TRAPPC9: variants seen among roughly 807,000 people sequenced by gnomAD.
TRAPPC9 encodes the protein trafficking protein particle complex subunit 9.
Under a neutral mutation model 124.0 loss-of-function variants are expected in TRAPPC9, and 83 were observed. That is an observed-to-expected ratio of 0.67 (90% CI 0.56 to 0.80). The LOEUF is 0.80. Among genes scored for constraint, TRAPPC9 ranks in the 30% least tolerant of loss-of-function variants. TRAPPC9 has a pLI of 0.00. For missense variants in TRAPPC9, 1,302 were observed against 1,508.3 expected (o/e 0.86, Z 2.27); for synonymous variants, 638 against 617.5 (o/e 1.03, Z -0.49).
In TRAPPC9 at chr8:140,372,126, C is replaced by A. The variant is rs970424187; in HGVS notation, c.1135-946G>T. Among the ~76,000 whole-genome samples, 8 of 152,332 alleles carry A rather than the reference C, an allele frequency of 5.3e-5. 1 individual carries two copies. The highest frequency in any genetic ancestry group is 4.6e-4 in the Admixed American group (7 of 15,302). Reference sequence around the variant, plus strand: ...TAACAGCTCAGGGACACATTAATCACCTGTGCAAAATCACACAGCCAAGAA... The same window carrying A: ...TAACAGCTCAGGGACACATTAATCAACTGTGCAAAATCACACAGCCAAGAA... On this transcript the variant is annotated intron_variant, in intron 7 of 22. Transcript: ENST00000438773.
At chr8:139,973,956 T>C (rs190080758) in intron 19 of TRAPPC9, among the ~76,000 whole-genome samples, 1 of 152,230 alleles carries the variant, frequency 6.6e-6, no homozygotes, top group East Asian at 1.9e-4. Flanking sequence ...TAAGGACGAA[T>C]GGCAGGTGAG....
At chr8:139,937,747 A>G (rs1222738137) in intron 19 of TRAPPC9, among the ~76,000 whole-genome samples, 1 of 152,190 alleles carries the variant, frequency 6.6e-6, no homozygotes, top group Non-Finnish European at 1.5e-5. Context: ...GGAAATGCGG[A>G]CGCAAATGTC....
chr8:140,416,165 G>A (rs1415288453), intron 5 of TRAPPC9, among the ~76,000 whole-genome samples: 1 of 152,106 alleles, frequency 6.6e-6, no homozygotes, highest in Admixed American at 6.6e-5. Flanking sequence ...GCTAAGAAGA[G>A]AGAAGAATCA....
intron 21 of TRAPPC9, among the ~76,000 whole-genome samples, chr8:139,867,293 C>A (rs1456411285): frequency 1.1e-4 from 17 of 152,176 alleles, no homozygotes; most frequent in Admixed American, 1.1e-3. Flanking sequence ...AGAAGACAGC[C>A]TGAAGGAGCA....
rs113033639 is a variant in TRAPPC9 at position 139,863,309 on chromosome 8, C to T, written c.3055+22570G>A. On this transcript the variant is annotated intron_variant, in intron 21 of 22. Transcript: ENST00000438773. ...CCAGGAAGCCCAGGACTTGCAGAGA[C>T]GGAAAGGGCCAAAGGACAGAGACCT... 5.3e-3 allele frequency among the ~76,000 whole-genome samples: 809 copies of T among 152,286 alleles called. 6 individuals carry two copies. The highest frequency in any genetic ancestry group is 0.018 in the African/African-American group (728 of 41,566).
At chr8:140,417,832 C>T (rs2069994229) in intron 5 of TRAPPC9, among the ~76,000 whole-genome samples, 1 of 152,180 alleles carries the variant, frequency 6.6e-6, no homozygotes. Context: ...CAATGATAGA[C>T]TGGATTAAGA....
intron 17 of TRAPPC9, among the ~76,000 whole-genome samples, chr8:140,206,785 C>T (rs977751995): frequency 1.3e-5 from 2 of 150,692 alleles, no homozygotes; most frequent in East Asian, 1.9e-4. Context: ...TTAAAAAGCC[C>T]GTTTCTCCTT....
intron 16 of TRAPPC9, among the ~76,000 whole-genome samples, chr8:140,231,940 A>T (rs926872007): frequency 7.9e-5 from 12 of 152,064 alleles, no homozygotes; most frequent in Non-Finnish European, 1.5e-4. Flanking sequence ...TTCTGTACCT[A>T]GCATTTAGCA....
At chr8:140,268,953 G>A (rs1256534017) in intron 15 of TRAPPC9, among the ~76,000 whole-genome samples, 4 of 152,138 alleles carry the variant, frequency 2.6e-5, no homozygotes, top group East Asian at 1.9e-4. Flanking sequence ...TCTCTAGGCC[G>A]ACCAGGTAAA....
At chr8:139,838,096 T>C (rs1826476340) in intron 21 of TRAPPC9, among the ~76,000 whole-genome samples, 1 of 152,138 alleles carries the variant, frequency 6.6e-6, no homozygotes, top group Non-Finnish European at 1.5e-5. Flanking sequence ...TTCTCTCTCT[T>C]TGTGGAATTC....
chr8:139,935,827 A>G (rs541320100), intron 19 of TRAPPC9, among the ~76,000 whole-genome samples: 1 of 152,258 alleles, frequency 6.6e-6, no homozygotes, highest in South Asian at 2.1e-4. Flanking sequence ...CAGAACAATC[A>G]CCTCATTTCA....
chr8:139,890,104 C>G (rs917884392), intron 20 of TRAPPC9, among the ~76,000 whole-genome samples: 10 of 152,230 alleles, frequency 6.6e-5, no homozygotes, highest in African/African-American at 2.4e-4. Flanking sequence ...GAAGCAGCGC[C>G]CTGCAGCTCC....
At chr8:140,284,650 C>T (rs977226745) in intron 13 of TRAPPC9, among the ~76,000 whole-genome samples, 1 of 152,126 alleles carries the variant, frequency 6.6e-6, no homozygotes, top group Admixed American at 6.5e-5. Context: ...TTATTATAAA[C>T]AACATTCACT....
At chr8:139,914,198 G>A (rs140588175) in intron 19 of TRAPPC9, 25 of 152,530 alleles carry the variant, frequency 1.6e-4, no homozygotes, top group African/African-American at 5.8e-4. Context: ...CAGAGCTCCC[G>A]ATGACGGTGG....
intron 5 of TRAPPC9, among the ~76,000 whole-genome samples, chr8:140,424,209 T>G (rs1351973140): frequency 6.6e-6 from 1 of 152,102 alleles, no homozygotes; most frequent in East Asian, 1.9e-4. Flanking sequence ...AAGTGCAAAC[T>G]GCTCATTTTT....
rs183080719 is a variant in TRAPPC9, at chr8:140,247,865, C to T, written c.2431+4912G>A. ...CTGGAAAAAAAAATTTATTCTATTA[C>T]AAATTCTTTCCTGAGTTATATCCAT... On this transcript the variant is annotated intron_variant, in intron 16 of 22. Transcript: ENST00000438773. Among the ~76,000 whole-genome samples the T allele has an allele frequency of 9.2e-5, 14 of 152,304 alleles. No individual in the cohort carries two copies. In the East Asian group the frequency reaches 2.7e-3, roughly 29 times the overall value.
intron 16 of TRAPPC9, among the ~76,000 whole-genome samples, chr8:140,224,023 G>A (rs1250242079): frequency 2.0e-5 from 3 of 152,158 alleles, no homozygotes; most frequent in African/African-American, 4.8e-5. Context: ...TGTTTCTGTT[G>A]GTGGTGCCTA....
intron 21 of TRAPPC9, among the ~76,000 whole-genome samples, chr8:139,737,608 C>T (rs1009709418): frequency 6.6e-6 from 1 of 152,198 alleles, no homozygotes; most frequent in Non-Finnish European, 1.5e-5. Flanking sequence ...CGCCTCTTGG[C>T]AGGACTGGCT....
At chr8:139,843,016 C>A (rs1219017864) in intron 21 of TRAPPC9, among the ~76,000 whole-genome samples, 2 of 152,212 alleles carry the variant, frequency 1.3e-5, no homozygotes. Flanking sequence ...CCAGCCACTG[C>A]CCAGCCCCAG....
Sources: allele counts gnomAD v4.1 joint callset (sites outside exome capture counted in the v4.1 genomes callset), GRCh38; gene constraint gnomAD v4.1.1; transcripts MANE v1.5; gene names NCBI Gene and HGNC (gene_info 2026-07-23, HGNC 2026-07-21).